Variants in GOLGB1 observed in about 807,000 individuals in gnomAD.
The protein encoded by GOLGB1 is golgin subfamily B member 1.
GOLGB1 carries 174 observed loss-of-function variants against 336.9 expected under a neutral mutation model. The ratio of observed to expected loss-of-function variants is 0.52; its 90% CI spans 0.46 to 0.59. GOLGB1 has a LOEUF of 0.59. Ranked by LOEUF, GOLGB1 falls within the 20% of genes least tolerant of loss-of-function variation. GOLGB1 has a pLI of 0.00. For missense variants in GOLGB1, 3,331 were observed against 3,645.3 expected (o/e 0.91, Z 2.22); for synonymous variants, 1,208 against 1,289.2 (o/e 0.94, Z 1.35).
Position 121,681,852 on chromosome 3 carries a change from T to C in GOLGB1, c.8708A>G (p.Lys2903Arg), listed in dbSNP as rs200784645. 9.9e-5 allele frequency: 158 copies of C among 1,598,436 alleles called. No homozygotes were observed. The highest frequency in any genetic ancestry group is 1.3e-4 in the Non-Finnish European group (154 of 1,168,024). Residue 2903 changes from lysine (K) to arginine (R), a missense_variant, in exon 15 of 22, where the codon AAG becomes AGG. By Grantham distance (26) the Lys-to-Arg change is conservative (BLOSUM62 2). Transcript: ENST00000614479. ...CTGTAAGTATTGCTGCTGCAGATTC[T>C]TCAATTCCTTCAGCTTTAACCAAAG... ...NDRDRLLKEL[K>R]NLQQQYLQIN...
rs200564559 is a variant in GOLGB1 at position 121,691,131 on chromosome 3, T to C, written c.8233A>G (p.Met2745Val). The C allele has an allele frequency of 1.1e-4, 174 of 1,613,920 alleles. No individual in the cohort carries two copies. Among genetic ancestry groups the C allele is most frequent in the African/African-American group, 3.9e-4 (29 of 75,060 alleles). ...TAQIQSFGRS[M>V]SSLQNSRDHA... ...TCTCTACTATTTTGCAAGGAACTCA[T>C]AGACCTTCCAAAAGACTGAATTTGT... The change falls in exon 14 of 22, where the codon ATG (methionine) becomes GTG (valine). Residue 2745 changes from methionine to valine, a missense_variant. By Grantham distance (21) the Met-to-Val change is conservative. Transcript: ENST00000614479.
At chr3:121,675,852 A>T (rs1281583686) in intron 17 of GOLGB1, among the ~76,000 whole-genome samples, 1 of 152,250 alleles carries the variant, frequency 6.6e-6, no homozygotes, top group Non-Finnish European at 1.5e-5. Flanking sequence ...TAGACAGACA[A>T]ATGCCCAATG....
chr3:121,678,177 C>G (rs1245359022), intron 15 of GOLGB1, among the ~76,000 whole-genome samples: 1 of 152,124 alleles, frequency 6.6e-6, no homozygotes, highest in Admixed American at 6.5e-5. Flanking sequence ...GCTGCCAACT[C>G]CATGCAATGA....
At chr3:121,740,942 TA>T (rs1036565468) in intron 1 of GOLGB1, among the ~76,000 whole-genome samples, 2 of 151,420 alleles carry the variant, frequency 1.3e-5, no homozygotes, top group African/African-American at 2.4e-5. Context: ...TTACTGGACT[TA>T]AAAAAATCCT....
At chr3:121,701,826 T>G (rs1943438228) in intron 11 of GOLGB1, among the ~76,000 whole-genome samples, 2 of 152,108 alleles carry the variant, frequency 1.3e-5, no homozygotes. Context: ...TTTGAAGAGC[T>G]TATAATATAG....
chr3:121,734,919 A>G (rs1946377311), intron 1 of GOLGB1, among the ~76,000 whole-genome samples: 2 of 152,264 alleles, frequency 1.3e-5, no homozygotes, highest in African/African-American at 4.8e-5. Flanking sequence ...GTGAATGAAT[A>G]ACAAACTGTA....
rs188181873 is a variant in GOLGB1 at position 121,727,654 on chromosome 3, T to C, written c.403-613A>G. Among the ~76,000 whole-genome samples, 432 of 151,838 alleles carry C rather than the reference T, an allele frequency of 2.8e-3. 12 individuals carry two copies. The highest frequency in any genetic ancestry group is 2.0e-3 in the Non-Finnish European group (136 of 67,936). ...TCAGAAAAGAGCCAGTGAGGGGAAA[T>C]CCAATTTTTTCAATAATCTATTTTT... On this transcript the variant is annotated intron_variant, in intron 4 of 21. Coordinates refer to ENST00000614479, the MANE Select transcript of GOLGB1 (RefSeq NM_001366282.2).
intron 10 of GOLGB1, among the ~76,000 whole-genome samples, chr3:121,712,618 A>G (rs1944439051): frequency 6.6e-6 from 1 of 152,210 alleles, no homozygotes; most frequent in Admixed American, 6.5e-5. Flanking sequence ...TAATAAAAAG[A>G]CAACTCAAAT....
In GOLGB1 at chr3:121,698,536, C is replaced by T; in HGVS notation, c.1987G>A (p.Gly663Arg). 1 of 1,613,726 alleles carries T rather than the reference C, an allele frequency of 6.2e-7. No individual in the cohort carries two copies. Among genetic ancestry groups the T allele is most frequent in the Non-Finnish European group, 8.5e-7 (1 of 1,179,744 alleles). The change falls in exon 13 of 22, where the codon GGA (glycine) becomes AGA (arginine). Residue 663 changes from glycine (G) to arginine (R), a missense_variant. Transcript: ENST00000614479. ...TSEEISLNDA[G>R]VELKSTKQDG... Reference sequence around the variant, plus strand: ...TGCTTTGTTGATTTCAATTCTACTCCAGCATCATTTAAAGATATTTCCTCA... The same window carrying T: ...TGCTTTGTTGATTTCAATTCTACTCTAGCATCATTTAAAGATATTTCCTCA...
intron 10 of GOLGB1, among the ~76,000 whole-genome samples, chr3:121,708,653 C>A (rs1325037032): frequency 4.6e-5 from 7 of 152,088 alleles, no homozygotes; most frequent in African/African-American, 1.7e-4. Flanking sequence ...TGAACAAACA[C>A]ACAAAACCCT....
At chr3:121,711,439 A>G (rs1405567783) in intron 10 of GOLGB1, among the ~76,000 whole-genome samples, 1 of 152,146 alleles carries the variant, frequency 6.6e-6, no homozygotes, top group Non-Finnish European at 1.5e-5. Flanking sequence ...ATGGTAAATT[A>G]TGGAACACTT....
At position 121,729,313 on chromosome 3, in the gene GOLGB1, T is replaced by C. The variant is rs775640485; in HGVS notation, c.277A>G (p.Ile93Val). 1 of 1,613,014 alleles carries C rather than the reference T, an allele frequency of 6.2e-7. No homozygotes were observed. Among genetic ancestry groups the C allele is most frequent in the Non-Finnish European group, 8.5e-7 (1 of 1,179,310 alleles). Residue 93 changes from isoleucine (I) to valine (V), a missense_variant, in exon 4 of 22, where the codon ATT becomes GTT. Transcript: ENST00000614479. ...TTCGCATGAAGTTTTAGTTTTTTAATTTTGTTATCAGCAGCTTTTCTCTCT... is the reference window on the plus strand; with the variant it reads ...TTCGCATGAAGTTTTAGTTTTTTAACTTTGTTATCAGCAGCTTTTCTCTCT... ...QEERKAADNK[I>V]KKLKLHAKAK...
chr3:121,674,141 A>G (rs1374587961), intron 17 of GOLGB1, among the ~76,000 whole-genome samples: 2 of 152,154 alleles, frequency 1.3e-5, no homozygotes, highest in African/African-American at 4.8e-5. Context: ...CAGTTCTAAC[A>G]GTTTTTTGGT....
intron 14 of GOLGB1, 55 bp downstream of exon 14, chr3:121,690,615 A>T: frequency 1.1e-6 from 1 of 899,488 alleles, no homozygotes; most frequent in Non-Finnish European, 1.6e-6. Flanking sequence ...AAATAAATTT[A>T]AAGAAAGGTT....
Position 121,691,394 on chromosome 3 carries a change from T to G in GOLGB1, c.7970A>C (p.Gln2657Pro). Residue 2657 changes from glutamine (Q) to proline (P), a missense_variant, in exon 14 of 22, where the codon CAA (glutamine) becomes CCA (proline). Coordinates refer to ENST00000614479, the MANE Select transcript of GOLGB1 (RefSeq NM_001366282.2). ...TTCTTCCAGTTCTGCAATTCTCTTT[T>G]GAGAGGAGGAAAACAAAGCACTTAA... ...HRLSALFSSS[Q>P]KRIAELEEEL... is the part of the protein sequence containing the mutation. 1 of 1,613,714 alleles carries G rather than the reference T, an allele frequency of 6.2e-7. No individual in the cohort carries two copies. The highest frequency in any genetic ancestry group is 8.5e-7 in the Non-Finnish European group (1 of 1,179,922).
At chr3:121,684,127 CAAAAAAAAAAAAAAAA>C (rs61510295) in intron 14 of GOLGB1, among the ~76,000 whole-genome samples, 3 of 10,910 alleles carry the variant, frequency 2.7e-4, no homozygotes, top group Admixed American at 2.5e-3. Context: ...GACGCCGTCT[CAAAAAAAAAAAAAAAA>C]AAAAAAAAAC....
Position 121,668,005 on chromosome 3 carries a change from T to C in GOLGB1, c.9419+56A>G. 2 of 853,944 alleles carry C rather than the reference T, an allele frequency of 2.3e-6. No individual in the cohort carries two copies. The highest frequency in any genetic ancestry group is 3.8e-6 in the Non-Finnish European group (2 of 532,368). 52.9% of individuals were successfully genotyped at this position (853,944 alleles called of 1,614,324 possible). ...AGGACTCCAGTTAAATCTAGATTAC[T>C]GCCCAATTTCTGGACTCTGGTGTAT... On this transcript the variant is annotated intron_variant, in intron 19 of 21. Coordinates refer to ENST00000614479, the MANE Select transcript of GOLGB1 (RefSeq NM_001366282.2).
At chr3:121,710,260 C>T (rs1944238756) in intron 10 of GOLGB1, among the ~76,000 whole-genome samples, 1 of 151,764 alleles carries the variant, frequency 6.6e-6, no homozygotes, top group Admixed American at 6.6e-5. Flanking sequence ...CGAAATAATA[C>T]CAATCACATA....
At chr3:121,725,188 G>A (rs1252729956) in intron 5 of GOLGB1, among the ~76,000 whole-genome samples, 7 of 152,092 alleles carry the variant, frequency 4.6e-5, no homozygotes, top group African/African-American at 7.2e-5. Context: ...GTGGAATCAC[G>A]GTGTGGGACT....
Sources: gnomAD v4.1 joint callset for allele counts (sites outside exome capture counted in the v4.1 genomes callset) on GRCh38, gnomAD v4.1.1 for gene constraint, MANE v1.5 for transcripts, NCBI Gene and HGNC (gene_info 2026-07-23, HGNC 2026-07-21) for gene names.